Variants in NFKBIZ observed in about 807,000 individuals in gnomAD.
The protein encoded by NFKBIZ is NF-kappa-B inhibitor zeta.
NFKBIZ carries 19 observed loss-of-function variants against 76.8 expected under a neutral mutation model. That is an observed-to-expected ratio of 0.25 (90% confidence interval 0.17 to 0.36). The LOEUF (loss-of-function observed/expected upper bound fraction) is 0.36. Among genes scored for constraint, NFKBIZ ranks in the 10% least tolerant of loss-of-function variants. The pLI is 1.00. For synonymous variants in NFKBIZ, 368 were observed against 354.8 expected, an observed-to-expected ratio of 1.04 and a Z score of -0.42; for missense variants, 829 against 910.9, an observed-to-expected ratio of 0.91 and a Z score of 1.16.
chr3:101,831,750 C>T (rs1240271690), intron 2 of NFKBIZ, among the ~76,000 whole-genome samples: 1 of 152,140 alleles, frequency 6.6e-6, no homozygotes, highest in African/African-American at 2.4e-5. Context: ...AAGTGATTCT[C>T]ATGCCTCAAC....
chr3:101,836,231 G>A (rs893400848), intron 2 of NFKBIZ, among the ~76,000 whole-genome samples: 1 of 152,170 alleles, frequency 6.6e-6, no homozygotes, highest in African/African-American at 2.4e-5. Context: ...CTCTAGACAG[G>A]TCAGAACTGA....
chr3:101,856,339 C>T (rs962741630), intron 9 of NFKBIZ, among the ~76,000 whole-genome samples: 1 of 152,186 alleles, frequency 6.6e-6, no homozygotes, highest in African/African-American at 2.4e-5. Flanking sequence ...CGTGAGCCAC[C>T]GCGCCCGGCC....
intron 2 of NFKBIZ, among the ~76,000 whole-genome samples, chr3:101,843,277 A>G (rs750935254): frequency 6.6e-6 from 1 of 151,918 alleles, no homozygotes; most frequent in Non-Finnish European, 1.5e-5. Flanking sequence ...TCTACAAAAC[A>G]TGAAAAATAA....
intron 11 of NFKBIZ, 97 bp from the exon 12 acceptor site, chr3:101,859,221 G>A (rs1943100298): frequency 1.1e-6 from 1 of 876,384 alleles, no homozygotes; most frequent in African/African-American, 1.6e-5. Flanking sequence ...AATAGGAGTA[G>A]TGTAGATGGT....
In NFKBIZ at chr3:101,860,194, T is replaced by C. The variant is rs878877552; in HGVS notation, c.*823T>C. ...GGAATTGCATGCTTTTTTTTTTTTT[T>C]CTCCCGAGACAGGGTCTTGCTCTGG... On this transcript the variant is annotated 3_prime_UTR_variant, in exon 12 of 12. Coordinates refer to ENST00000326172, the MANE Select transcript of NFKBIZ (RefSeq NM_031419.4). 2.6e-5 allele frequency: 4 copies of C among 151,482 alleles called. No homozygotes were observed. Among genetic ancestry groups the C allele is most frequent in the Non-Finnish European group, 4.4e-5 (3 of 67,828 alleles). The allele number at this position is 151,482 out of a possible 1,614,324, so 9.4% of individuals were successfully genotyped here.
intron 1 of NFKBIZ, among the ~76,000 whole-genome samples, chr3:101,851,479 AAAT>A (rs1227190149): frequency 2.1e-4 from 32 of 152,348 alleles, no homozygotes; most frequent in African/African-American, 7.5e-4. Context: ...GAATTGAAGG[AAAT>A]AATAAGACAT....
chr3:101,830,278 C>T (rs1007197925), intron 2 of NFKBIZ, among the ~76,000 whole-genome samples: 1 of 152,140 alleles, frequency 6.6e-6, no homozygotes, highest in Non-Finnish European at 1.5e-5. Flanking sequence ...TCATTTAGCC[C>T]TACAGCATTT....
chr3:101,858,393 T>C (rs1447242210), intron 11 of NFKBIZ: 1 of 984,918 alleles, frequency 1.0e-6, no homozygotes, highest in African/African-American at 1.7e-5. Flanking sequence ...AAAATTGATA[T>C]TCAGAGAGGT....
intron 2 of NFKBIZ, among the ~76,000 whole-genome samples, chr3:101,836,370 G>C (rs1035177672): frequency 6.6e-6 from 1 of 152,190 alleles, no homozygotes; most frequent in Non-Finnish European, 1.5e-5. Flanking sequence ...AACTCTCTAC[G>C]TAAAATAACA....
At chr3:101,839,917 G>A (rs1284909900) in intron 2 of NFKBIZ, among the ~76,000 whole-genome samples, 1 of 152,140 alleles carries the variant, frequency 6.6e-6, no homozygotes, top group Non-Finnish European at 1.5e-5. Flanking sequence ...CAGTAGAAGG[G>A]TACAGGGATG....
rs545478372 is a variant in NFKBIZ, at chr3:101,855,975, G to C, written c.1824+73G>C. The C allele has an allele frequency of 3.0e-6, 4 of 1,341,960 alleles. No homozygotes were observed. The African/African-American group carries it at 4.4e-5, about 15-fold the overall frequency. The allele number at this position is 1,341,960 out of a possible 1,614,324, so 83.1% of individuals were successfully genotyped here. A position where few individuals can be genotyped will look rare whatever the true frequency, so the allele number is the denominator to read the frequency against. The stretch of plus-strand genomic sequence containing the variant: ...ATATAGCAAAAGACCTTGCTTCCAA[G>C]TACAGATTCAAACTTCTTTCTTTTT... On this transcript the variant is annotated intron_variant, in intron 9 of 11. Coordinates refer to ENST00000326172, the MANE Select transcript of NFKBIZ (RefSeq NM_031419.4).
In NFKBIZ at chr3:101,860,790, T is replaced by A. The variant is rs1576821688; in HGVS notation, c.*1419T>A. Reference sequence around the variant, plus strand: ...TAATAAATTTGACTCATTAAAAACCTTTTTTTTTTAAAAAAAAAAAAAAAG... The same window carrying A: ...TAATAAATTTGACTCATTAAAAACCATTTTTTTTTAAAAAAAAAAAAAAAG... On this transcript the variant is annotated 3_prime_UTR_variant, in exon 12 of 12. Coordinates refer to ENST00000326172, the MANE Select transcript of NFKBIZ (RefSeq NM_031419.4). 4.1e-5 allele frequency: 3 copies of A among 73,758 alleles called. No individual in the cohort carries two copies. The highest frequency in any genetic ancestry group is 2.1e-4 in the Admixed American group (1 of 4,794). 4.6% of individuals were successfully genotyped at this position (73,758 alleles called of 1,614,324 possible).
chr3:101,854,445 T>C (rs528663761), intron 5 of NFKBIZ, 133 bp from the exon 6 acceptor site: 1 of 613,130 alleles, frequency 1.6e-6, no homozygotes, highest in Non-Finnish European at 2.9e-6. Context: ...AGACAAATTA[T>C]GCTTTGTAAT....
rs759894129 is a variant in NFKBIZ at position 101,854,677 on chromosome 3, T to G, written c.1437T>G (p.Asn479Lys). ...ALHMLDIKEH[N>K]GQSAFQVAVA... The stretch of plus-strand genomic sequence containing the variant: ...ACATGCTGGATATTAAAGAGCACAA[T>G]GGACAGGTGAGGACCTTGACAGAGT... The change falls in exon 6 of 12, where the codon AAT (asparagine) becomes AAG (lysine). Residue 479 changes from asparagine (N) to lysine (K), a missense_variant. Physicochemically the swap from Asn to Lys is moderately conservative, Grantham distance 94. Coordinates refer to ENST00000326172, the MANE Select transcript of NFKBIZ (RefSeq NM_031419.4). 30 of 1,611,688 alleles carry G rather than the reference T, an allele frequency of 1.9e-5. 1 individual carries two copies. In the South Asian group the frequency reaches 3.2e-4, roughly 17 times the overall value.
At chr3:101,829,636 C>T (rs1486959619) in exon 2 of NFKBIZ, 1 of 152,022 alleles carries the variant, frequency 6.6e-6, no homozygotes, top group African/African-American at 2.4e-5. Flanking sequence ...TCTCGAGGGC[C>T]CTGGCTGAAC....
At chr3:101,828,649 C>T (rs559907017) in intron 1 of NFKBIZ, among the ~76,000 whole-genome samples, 83 of 152,202 alleles carry the variant, frequency 5.5e-4, no homozygotes, top group African/African-American at 1.9e-3. Context: ...TTATAGCATG[C>T]CCTCATTCAT....
At chr3:101,828,230 A>T (rs181198842) in intron 1 of NFKBIZ, 1 of 151,998 alleles carries the variant, frequency 6.6e-6, no homozygotes, top group African/African-American at 2.4e-5. Flanking sequence ...CTTAAATGGT[A>T]AGATTTTTTT....
At position 101,842,642 on chromosome 3, in the gene NFKBIZ, T is replaced by A. The variant is rs533387652; in HGVS notation, c.-11-9443T>A. ...AGCTGCCATTAGTGTTAGTGTATTT[T>A]ATGTGTGGCCCAAGACAATTCTTCT... On this transcript the variant is annotated intron_variant, in intron 2 of 12. Transcript: ENST00000394054. Among the ~76,000 whole-genome samples the A allele has an allele frequency of 5.3e-5, 8 of 151,678 alleles. No individual in the cohort carries two copies. In the East Asian group the frequency reaches 1.5e-3, roughly 29 times the overall value.
In NFKBIZ at chr3:101,860,923, G is replaced by A. The variant is rs912868392; in HGVS notation, c.*1552G>A. On this transcript the variant is annotated 3_prime_UTR_variant, in exon 12 of 12. Transcript: ENST00000326172. ...TTGACCCAGTATGTCTTGTAGACAC[G>A]TTAGTTATAATCACCTTGTATCTCT... is the stretch of plus-strand genomic sequence containing the variant. 17 of 151,934 alleles carry A rather than the reference G, an allele frequency of 1.1e-4. No homozygotes were observed. Among genetic ancestry groups the A allele is most frequent in the East Asian group, 3.9e-4 (2 of 5,172 alleles). The allele number at this position is 151,934 out of a possible 1,614,324, so 9.4% of individuals were successfully genotyped here.
Sources: gnomAD v4.1 joint callset for allele counts (sites outside exome capture counted in the v4.1 genomes callset) on GRCh38, gnomAD v4.1.1 for gene constraint, MANE v1.5 for transcripts, NCBI Gene and HGNC (gene_info 2026-07-23, HGNC 2026-07-21) for gene names.